DCPH1: variants seen among roughly 807,000 people sequenced by gnomAD.
DCPH1 encodes the protein damage control phosphatase 1.
chr6:151,469,169 G>C, the DCPH1 span: 2 of 1,440,676 alleles, frequency 1.4e-6, no homozygotes, highest in Non-Finnish European at 9.3e-7. Context: ...TTCATCCCCA[G>C]AAAAGGAGCA....
the DCPH1 span, among the ~76,000 whole-genome samples, chr6:151,457,680 T>C: frequency 3.3e-5 from 5 of 152,296 alleles, no homozygotes; most frequent in Admixed American, 6.5e-5. Context: ...ATGATAAAAA[T>C]GATCTTATAA....
At chr6:151,467,797 T>C in the DCPH1 span, among the ~76,000 whole-genome samples, 1 of 152,222 alleles carries the variant, frequency 6.6e-6, no homozygotes, top group East Asian at 1.9e-4. Context: ...AATGGGTCTT[T>C]AGTTAACATG....
the DCPH1 span, among the ~76,000 whole-genome samples, chr6:151,456,126 A>G: frequency 6.6e-6 from 1 of 152,202 alleles, no homozygotes; most frequent in Non-Finnish European, 1.5e-5. Context: ...GGAGTCTCCT[A>G]TGTCTACTTC....
At chr6:151,465,833 C>T in the DCPH1 span, among the ~76,000 whole-genome samples, 1 of 152,116 alleles carries the variant, frequency 6.6e-6, no homozygotes, top group Non-Finnish European at 1.5e-5. Flanking sequence ...ACAGATTATA[C>T]CTGGAGACGA....
At chr6:151,467,259 A>T in the DCPH1 span, among the ~76,000 whole-genome samples, 1 of 151,840 alleles carries the variant, frequency 6.6e-6, no homozygotes, top group Non-Finnish European at 1.5e-5. Context: ...CAAAAAAAAA[A>T]AAAACAAAAC....
chr6:151,463,562 A>C, the DCPH1 span, among the ~76,000 whole-genome samples: 1 of 152,214 alleles, frequency 6.6e-6, no homozygotes, highest in African/African-American at 2.4e-5. Flanking sequence ...CCTTGGAATA[A>C]GGGTGTAGCT....
chr6:151,454,869 A>G, the DCPH1 span, among the ~76,000 whole-genome samples: 1 of 152,230 alleles, frequency 6.6e-6, no homozygotes, highest in South Asian at 2.1e-4. Flanking sequence ...TCAGTTATTT[A>G]GACTTCAGAA....
At chr6:151,460,720 G>C in the DCPH1 span, among the ~76,000 whole-genome samples, 1 of 151,608 alleles carries the variant, frequency 6.6e-6, no homozygotes, top group South Asian at 2.1e-4. Flanking sequence ...GGAGGCGGAG[G>C]TTGCAGTGAG....
chr6:151,457,289 C>A, the DCPH1 span, among the ~76,000 whole-genome samples: 1 of 152,186 alleles, frequency 6.6e-6, no homozygotes. Flanking sequence ...TAGTGTCAGG[C>A]ACATACAGGG....
chr6:151,468,607 GC>G, the DCPH1 span: 1 of 1,614,080 alleles, frequency 6.2e-7, no homozygotes, highest in African/African-American at 1.3e-5. Context: ...CTCTGAACTG[GC>G]TACTGAGGTT....
chr6:151,459,749 C>T, the DCPH1 span, among the ~76,000 whole-genome samples: 1 of 152,136 alleles, frequency 6.6e-6, no homozygotes, highest in Admixed American at 6.5e-5. Context: ...AAGATTACAC[C>T]ACCGCACTCC....
chr6:151,468,614 A>C, the DCPH1 span: 1 of 1,614,114 alleles, frequency 6.2e-7, no homozygotes, highest in African/African-American at 1.3e-5. Context: ...CTGGCTACTG[A>C]GGTTCATTTT....
chr6:151,453,863 T>C, the DCPH1 span, among the ~76,000 whole-genome samples: 1 of 152,224 alleles, frequency 6.6e-6, no homozygotes, highest in African/African-American at 2.4e-5. Flanking sequence ...AATGCAGGTA[T>C]AAGTTTTTCT....
chr6:151,452,508 T>C, the DCPH1 span: 1 of 1,609,960 alleles, frequency 6.2e-7, no homozygotes, highest in East Asian at 2.3e-5. Flanking sequence ...CTGCGGCGAT[T>C]GAACAGCCGA....
At chr6:151,453,048 A>G in the DCPH1 span, among the ~76,000 whole-genome samples, 1 of 152,198 alleles carries the variant, frequency 6.6e-6, no homozygotes, top group Non-Finnish European at 1.5e-5. Context: ...TGACCGTGCA[A>G]ATAACATCCA....
At chr6:151,468,428 A>AAGAC in the DCPH1 span, 1 of 1,607,070 alleles carries the variant, frequency 6.2e-7, no homozygotes, top group Non-Finnish European at 8.5e-7. Flanking sequence ...AATTCATTGG[A>AAGAC]AGACCTAAAA....
At chr6:151,453,632 CAA>C in the DCPH1 span, among the ~76,000 whole-genome samples, 1 of 152,130 alleles carries the variant, frequency 6.6e-6, no homozygotes, top group South Asian at 2.1e-4. Flanking sequence ...AAGAAATACC[CAA>C]GTTACAATCT....
At chr6:151,468,028 G>A in the DCPH1 span, among the ~76,000 whole-genome samples, 1 of 152,286 alleles carries the variant, frequency 6.6e-6, no homozygotes, top group East Asian at 1.9e-4. Flanking sequence ...TCACACATCC[G>A]ATGATGTTCT....
chr6:151,460,368 G>A, the DCPH1 span, among the ~76,000 whole-genome samples: 2 of 151,836 alleles, frequency 1.3e-5, no homozygotes, highest in Non-Finnish European at 2.9e-5. Context: ...CTCCCAAAGT[G>A]CTGGGATTAC....
Sources: gnomAD v4.1 joint callset for allele counts (sites outside exome capture counted in the v4.1 genomes callset) on GRCh38, gnomAD v4.1.1 for gene constraint, MANE v1.5 for transcripts, NCBI Gene and HGNC (gene_info 2026-07-23, HGNC 2026-07-21) for gene names.